The following ANAPC5 variants were observed in gnomAD, a reference collection of about 807,000 sequenced individuals.
ANAPC5 encodes the protein anaphase promoting complex subunit 5.
A neutral mutation model predicts 91.3 loss-of-function variants in ANAPC5; 60 were observed. That is an observed-to-expected ratio of 0.66 (90% CI 0.53 to 0.81). The LOEUF (loss-of-function observed/expected upper bound fraction) is 0.81. Ranked by LOEUF, ANAPC5 falls within the 40% of genes least tolerant of loss-of-function variation. The pLI, the probability that ANAPC5 is intolerant of heterozygous loss-of-function variation, is 0.00. For missense variants in ANAPC5, 690 were observed against 931.5 expected (o/e 0.74, Z 3.37); for synonymous variants, 340 against 364.1 (o/e 0.93, Z 0.75).
chr12:121,352,158 G>C lies in ANAPC5; in HGVS notation c.183C>G (p.Asn61Lys). Residue 61 changes from asparagine to lysine, a missense_variant, in exon 1 of 17, where the codon AAC becomes AAG. Transcript: ENST00000261819. The part of the protein sequence containing the change: ...AVSLMERRRL[N>K]QLLLPLLQGP... ...CCTGCAGCAGGGGCAGGAGCAGCTGGTTGAGCCTCCGCCGCTCCATGAGGC... is the reference window on the plus strand; with the variant it reads ...CCTGCAGCAGGGGCAGGAGCAGCTGCTTGAGCCTCCGCCGCTCCATGAGGC... The C allele has an allele frequency of 6.2e-7, 1 of 1,611,688 alleles. No individual in the cohort carries two copies. Among genetic ancestry groups the C allele is most frequent in the South Asian group, 1.1e-5 (1 of 91,044 alleles).
Position 121,347,850 on chromosome 12 carries a change from T to A in ANAPC5, c.239A>T (p.Lys80Met). The A allele has an allele frequency of 6.2e-7, 1 of 1,613,772 alleles. No individual in the cohort carries two copies. Among genetic ancestry groups the A allele is most frequent in the Non-Finnish European group, 8.5e-7 (1 of 1,179,732 alleles). The change falls in exon 2 of 17, where the codon AAG (lysine) becomes ATG (methionine). Residue 80 changes from lysine to methionine, a missense_variant. Physicochemically the swap from Lys to Met is moderately conservative, Grantham distance 95 (BLOSUM62 -1). Around this residue, in one of 5 missense-constraint regions of ANAPC5, gnomAD observed 238 missense variants for 264.9 expected, o/e 0.90. Transcript: ENST00000261819. ...GPDITLSKLYKLIEESCPQLA... is the reference protein window; with the variant it reads ...GPDITLSKLYMLIEESCPQLA... ...CTGTGGACAAGACTCTTCAATTAAC[T>A]TGTAAAGTTTTGACAGTGTAATATC...
At position 121,352,370 on chromosome 12, in the gene ANAPC5, G is replaced by A. The variant is rs373110905; in HGVS notation, c.-30C>T. On this transcript the variant is annotated 5_prime_UTR_variant, in exon 1 of 17. Coordinates refer to ENST00000261819, the MANE Select transcript of ANAPC5 (RefSeq NM_016237.5). Reference sequence around the variant, plus strand: ...GCCCGAGACTAAGTCTCGGGCCCGCGGCGCGCTGCCGCCAGTTGTCACCAC... The same window carrying A: ...GCCCGAGACTAAGTCTCGGGCCCGCAGCGCGCTGCCGCCAGTTGTCACCAC... The A allele has an allele frequency of 1.3e-5, 21 of 1,565,372 alleles. No individual in the cohort carries two copies. Among genetic ancestry groups the A allele is most frequent in the Non-Finnish European group, 1.8e-5 (21 of 1,150,166 alleles).
At chr12:121,313,491 CA>C (rs1902248178) in intron 15 of ANAPC5, among the ~76,000 whole-genome samples, 1 of 152,058 alleles carries the variant, frequency 6.6e-6, no homozygotes, top group Admixed American at 6.6e-5. Flanking sequence ...AAGAGATCGA[CA>C]AAATTGATAA....
intron 7 of ANAPC5, chr12:121,333,723 A>C (rs141167213): frequency 3.3e-5 from 5 of 152,206 alleles, no homozygotes; most frequent in Admixed American, 6.5e-5. Context: ...GAGCAGAAAT[A>C]TTTTGTCCTT....
intron 5 of ANAPC5, among the ~76,000 whole-genome samples, chr12:121,339,059 T>C (rs994247111): frequency 8.1e-5 from 12 of 147,776 alleles, no homozygotes; most frequent in African/African-American, 3.0e-4. Flanking sequence ...TTTTTCTTTT[T>C]TTTTTTTTTT....
Position 121,335,574 on chromosome 12 carries a change from G to T in ANAPC5, c.909C>A (p.Ala303=), listed in dbSNP as rs151169485. 1 of 1,613,512 alleles carries T rather than the reference G, an allele frequency of 6.2e-7. No homozygotes were observed. The highest frequency in any genetic ancestry group is 1.7e-5 in the Admixed American group (1 of 59,980). ...AGTGCAGGGCGGCAAGATTCAGAGC[G>T]GCGTATCTCAAGCTCCGGCCATAGC... ...EEGYGRSLRY[A]ALNLAALHCR... is the part of the protein sequence containing the mutation. Residue 303 remains alanine (A), a synonymous_variant, in exon 7 of 17, where the codon GCC becomes GCA. Coordinates refer to ENST00000261819, the MANE Select transcript of ANAPC5 (RefSeq NM_016237.5).
chr12:121,323,521 G>T (rs1299087338), intron 11 of ANAPC5, among the ~76,000 whole-genome samples: 1 of 151,926 alleles, frequency 6.6e-6, no homozygotes, highest in Admixed American at 6.6e-5. Flanking sequence ...TTGTAGAGAC[G>T]GGGTTTCACC....
intron 9 of ANAPC5, 100 bp from the exon 10 acceptor site, chr12:121,328,597 A>T: frequency 9.2e-7 from 1 of 1,089,570 alleles, no homozygotes; most frequent in Non-Finnish European, 1.4e-6. Flanking sequence ...CAGCACATGC[A>T]CAGTGACAGC....
chr12:121,333,033 T>C lies in ANAPC5; in HGVS notation c.951-1605A>G, dbSNP rs888687728. Reference sequence around the variant, plus strand: ...ATTCTGTTCATCAAAATATTATTTGTGGCCGGGCGCAGTGGCTCACGCCTG... The same window carrying C: ...ATTCTGTTCATCAAAATATTATTTGCGGCCGGGCGCAGTGGCTCACGCCTG... On this transcript the variant is annotated intron_variant, in intron 7 of 16. Transcript: ENST00000261819. 1.1e-4 allele frequency: 16 copies of C among 151,976 alleles called. 1 individual carries two copies. The highest frequency in any genetic ancestry group is 3.9e-4 in the African/African-American group (16 of 41,392). The allele number at this position is 151,976 out of a possible 1,614,324, so 9.4% of individuals were successfully genotyped here.
chr12:121,326,570 G>A (rs782598255), intron 11 of ANAPC5: 3 of 152,160 alleles, frequency 2.0e-5, no homozygotes, highest in Admixed American at 6.6e-5. Flanking sequence ...ACCAGGTTTC[G>A]GTTGGAGACC....
rs1903701518 is a variant in ANAPC5 at position 121,347,188 on chromosome 12, A to G, written c.288-183T>C. On this transcript the variant is annotated intron_variant, in intron 2 of 16. Transcript: ENST00000261819. ...TACTCCCGTATTTCTGAAAAGTATC[A>G]TTGTTGTTTTCTTGATCATAAAATT... The G allele has an allele frequency of 1.7e-5, 9 of 523,772 alleles. No homozygotes were observed. In the South Asian group the frequency reaches 2.2e-4, roughly 13 times the overall value. The allele number at this position is 523,772 out of a possible 1,614,324, so 32.4% of individuals were successfully genotyped here.
intron 1 of ANAPC5, chr12:121,351,259 G>A: frequency 3.1e-6 from 1 of 321,508 alleles, no homozygotes; most frequent in South Asian, 2.2e-5. Flanking sequence ...TGTACTCCCA[G>A]CTACTTGGGA....
At chr12:121,317,460 G>C (rs1219401097) in intron 15 of ANAPC5, among the ~76,000 whole-genome samples, 2 of 151,830 alleles carry the variant, frequency 1.3e-5, no homozygotes, top group East Asian at 3.9e-4. Context: ...CACCATGCTG[G>C]CCAGGCTGGT....
intron 9 of ANAPC5, among the ~76,000 whole-genome samples, chr12:121,329,744 T>C (rs1398896411): frequency 6.6e-6 from 1 of 152,018 alleles, no homozygotes; most frequent in Admixed American, 6.6e-5. Flanking sequence ...GCCTCCTAAG[T>C]AGCTGGGATC....
intron 16 of ANAPC5, 136 bp downstream of exon 16, chr12:121,309,565 G>A (rs944071044): frequency 9.4e-7 from 1 of 1,064,900 alleles, no homozygotes; most frequent in Non-Finnish European, 1.3e-6. Flanking sequence ...AATGCTGCAT[G>A]AAATTTTAAT....
intron 1 of ANAPC5, among the ~76,000 whole-genome samples, chr12:121,348,153 T>C (rs1172221068): frequency 6.6e-6 from 1 of 152,214 alleles, no homozygotes; most frequent in Non-Finnish European, 1.5e-5. Flanking sequence ...TTGTAATCAT[T>C]GCAAAATTGT....
In ANAPC5 at chr12:121,340,733, G is replaced by GTT. The variant is rs35021667; in HGVS notation, c.657+1268_657+1269dup. ...ACACCCGGCTAATTTTTGTGTGTGT[G>GTT]TTTTTTTTAGCAGAAACAGGGTTTC... On this transcript the variant is annotated intron_variant, in intron 5 of 16. Transcript: ENST00000261819. 2.0e-3 allele frequency among the ~76,000 whole-genome samples: 302 copies of GTT among 150,352 alleles called. 4 individuals carry two copies. In the East Asian group the frequency reaches 0.045, roughly 22 times the overall value.
rs371233998 is a variant in ANAPC5 at position 121,327,165 on chromosome 12, G to A, written c.1371C>T (p.Gly457=). 145 of 1,613,250 alleles carry A rather than the reference G, an allele frequency of 9.0e-5. No individual in the cohort carries two copies. Among genetic ancestry groups the A allele is most frequent in the Middle Eastern group, 1.6e-4 (1 of 6,068 alleles). ...SMNSLEAVNA[G]VQQNNTESFA... ...AGGACTCTGTGTTGTTCTGCTGCAC[G>A]CCCGCATTCACCGCCTCCAGGCTGT... Residue 457 remains glycine, a synonymous_variant, in exon 11 of 17, where the codon GGC becomes GGT. Coordinates refer to ENST00000261819, the MANE Select transcript of ANAPC5 (RefSeq NM_016237.5).
At chr12:121,341,969 C>T (rs376467619) in intron 5 of ANAPC5, 34 bp downstream of exon 5, 2 of 1,539,770 alleles carry the variant, frequency 1.3e-6, no homozygotes, top group African/African-American at 2.7e-5. Flanking sequence ...AGGACTAGAA[C>T]AGAAGTTCAT....
Sources: gnomAD v4.1 joint callset for allele counts (sites outside exome capture counted in the v4.1 genomes callset) on GRCh38, gnomAD v4.1.1 for gene constraint, gnomAD v4.1.1 regional missense constraint, MANE v1.5 for transcripts, NCBI Gene and HGNC (gene_info 2026-07-23, HGNC 2026-07-21) for gene names.